Variants in SKI observed in about 807,000 individuals in gnomAD.
SKI encodes SKI proto-oncogene, also known as ski oncogene.
Under a neutral mutation model 59.3 loss-of-function variants are expected in SKI, and 23 were observed. That is an observed-to-expected ratio of 0.39 (90% CI 0.28 to 0.55). The LOEUF (loss-of-function observed/expected upper bound fraction) is 0.55, where lower values mean the gene tolerates loss of function less well. Ranked by LOEUF, SKI falls within the 20% of genes least tolerant of loss-of-function variation. The pLI is 0.67. For missense variants in SKI, 1,017 were observed against 1,038.9 expected (o/e 0.98, Z 0.29); for synonymous variants, 673 against 488.6 (o/e 1.38, Z -4.98).
chr1:2,279,006 C>T (rs1190314148), intron 1 of SKI, among the ~76,000 whole-genome samples: 1 of 152,220 alleles, frequency 6.6e-6, no homozygotes, highest in African/African-American at 2.4e-5. Context: ...ACAGTAAGCT[C>T]CAGACAAGGG....
At chr1:2,247,907 A>C (rs1053113402) in intron 1 of SKI, 4 of 152,114 alleles carry the variant, frequency 2.6e-5, no homozygotes, top group Admixed American at 6.5e-5. Context: ...CAGCCCTTGG[A>C]CGCAGCGTGC....
At chr1:2,272,768 C>T (rs916865833) in intron 1 of SKI, among the ~76,000 whole-genome samples, 4 of 152,178 alleles carry the variant, frequency 2.6e-5, no homozygotes, top group African/African-American at 9.7e-5. Context: ...TTCCCGTCTC[C>T]CCTGCCCCGG....
At chr1:2,258,137 G>A (rs1480932827) in intron 1 of SKI, among the ~76,000 whole-genome samples, 9 of 152,212 alleles carry the variant, frequency 5.9e-5, no homozygotes, top group Non-Finnish European at 1.2e-4. Context: ...CTGATTATTT[G>A]CGACTTTAAC....
At chr1:2,282,521 C>CGGTGGCGG (rs1364609811) in intron 1 of SKI, among the ~76,000 whole-genome samples, 8 of 133,590 alleles carry the variant, frequency 6.0e-5, no homozygotes, top group Non-Finnish European at 1.2e-4. Flanking sequence ...AGAAGACAGG[C>CGGTGGCGG]AGTGGCGGAG....
intron 1 of SKI, among the ~76,000 whole-genome samples, chr1:2,282,835 G>A (rs1354171081): frequency 1.3e-5 from 2 of 152,214 alleles, no homozygotes; most frequent in Non-Finnish European, 2.9e-5. Flanking sequence ...ATTCGCAAGG[G>A]TGGGTCTGGT....
chr1:2,251,725 A>G (rs1235206157), intron 1 of SKI, among the ~76,000 whole-genome samples: 1 of 152,242 alleles, frequency 6.6e-6, no homozygotes, highest in African/African-American at 2.4e-5. Context: ...CACAGGTCTC[A>G]GCTGTGAAAT....
At chr1:2,276,992 C>T (rs958278277) in intron 1 of SKI, among the ~76,000 whole-genome samples, 5 of 152,168 alleles carry the variant, frequency 3.3e-5, no homozygotes, top group African/African-American at 1.2e-4. Context: ...CAGCAGGGCC[C>T]TCACCCAGGA....
At position 2,302,995 on chromosome 1, in the gene SKI, G is replaced by C. The variant is rs780855223; in HGVS notation, c.987G>C (p.Pro329=). 5 of 1,613,496 alleles carry C rather than the reference G, an allele frequency of 3.1e-6. No individual in the cohort carries two copies. In the East Asian group the frequency reaches 8.9e-5, roughly 29 times the overall value. The part of the protein sequence containing the change: ...RRVPRVSSEP[P]ASIRPKTDDT... ...GATCGCAGGTCTCCTCTGAGCCTCC[G>C]GCCTCCATAAGACCCAAAACAGATG... Residue 329 remains proline (P), a synonymous_variant, in exon 2 of 7, where the codon CCG becomes CCC. Transcript: ENST00000378536.
In SKI at chr1:2,303,818, C is replaced by G; in HGVS notation, c.1212-22C>G. ...GTGCTTGGGGACAGAGGCACCTTCC[C>G]GACACCCGCCTGCCCCTCCAGCTTC... is the stretch of plus-strand genomic sequence containing the variant. On this transcript the variant is annotated intron_variant, in intron 3 of 6. Coordinates refer to ENST00000378536, the MANE Select transcript of SKI (RefSeq NM_003036.4). The surrounding 1 kb of genome is among the most constrained non-coding windows in gnomAD (Gnocchi z 5.6). The G allele has an allele frequency of 6.2e-7, 1 of 1,610,902 alleles. No homozygotes were observed. The highest frequency in any genetic ancestry group is 2.2e-5 in the East Asian group (1 of 44,810).
rs1639558157 is a variant in SKI at position 2,268,984 on chromosome 1, C to T, written c.970-33994C>T. On this transcript the variant is annotated intron_variant, in intron 1 of 6. Transcript: ENST00000378536. The surrounding 1 kb of genome is among the most constrained non-coding windows in gnomAD (Gnocchi z 5.0). Reference sequence around the variant, plus strand: ...TTTTTTCGACAGGGTCTGGCTCTGGCTCTGTCACCCAGGCTGGAGTGCAGC... The same window carrying T: ...TTTTTTCGACAGGGTCTGGCTCTGGTTCTGTCACCCAGGCTGGAGTGCAGC... Among the ~76,000 whole-genome samples the T allele has an allele frequency of 6.6e-6, 1 of 151,986 alleles. No individual in the cohort carries two copies. The highest frequency in any genetic ancestry group is 2.1e-4 in the South Asian group (1 of 4,828).
chr1:2,294,708 TG>T (rs1640244977), intron 1 of SKI, among the ~76,000 whole-genome samples: 1 of 152,190 alleles, frequency 6.6e-6, no homozygotes. Flanking sequence ...TCTGGGGGCC[TG>T]GCCCTCCCCC....
intron 1 of SKI, among the ~76,000 whole-genome samples, chr1:2,293,891 TCCAGTG>T (rs1415625570): frequency 6.6e-6 from 1 of 152,222 alleles, no homozygotes; most frequent in African/African-American, 2.4e-5. Flanking sequence ...GGTTGTCCCT[TCCAGTG>T]CAGGCGGTGG....
At position 2,271,185 on chromosome 1, in the gene SKI, G is replaced by A. The variant is rs1639608792; in HGVS notation, c.970-31793G>A. The stretch of plus-strand genomic sequence containing the variant: ...AGGGTCCCGGGACAGTCCCTGAGAA[G>A]CACAGAGGCCTGGACACTCCCACCT... On this transcript the variant is annotated intron_variant, in intron 1 of 6. Coordinates refer to ENST00000378536, the MANE Select transcript of SKI (RefSeq NM_003036.4). 1.3e-5 allele frequency among the ~76,000 whole-genome samples: 2 copies of A among 152,098 alleles called. 1 individual carries two copies. Among genetic ancestry groups the A allele is most frequent in the Admixed American group, 1.3e-4 (2 of 15,286 alleles).
chr1:2,240,588 A>G (rs1170253136), intron 1 of SKI: 1 of 985,312 alleles, frequency 1.0e-6, no homozygotes, highest in East Asian at 1.1e-4. Flanking sequence ...GAAGAAATCA[A>G]GAGGATTTTA....
chr1:2,241,559 AT>A (rs146580874), intron 1 of SKI, among the ~76,000 whole-genome samples: 1 of 151,774 alleles, frequency 6.6e-6, no homozygotes, highest in Non-Finnish European at 1.5e-5. Context: ...TGCCCGGCTA[AT>A]TTTTTTGTGT....
chr1:2,258,254 T>C (rs890531355), intron 1 of SKI, among the ~76,000 whole-genome samples: 3 of 152,158 alleles, frequency 2.0e-5, no homozygotes, highest in African/African-American at 7.2e-5. Flanking sequence ...TCCTGGTCCT[T>C]AAACCCGTAT....
intron 1 of SKI, among the ~76,000 whole-genome samples, chr1:2,295,446 T>C (rs1640261623): frequency 6.6e-6 from 1 of 152,180 alleles, no homozygotes; most frequent in Non-Finnish European, 1.5e-5. Flanking sequence ...CAGAATATGG[T>C]TTAATGGTTT....
intron 5 of SKI, among the ~76,000 whole-genome samples, chr1:2,305,200 C>T (rs1255209661): frequency 2.6e-5 from 4 of 152,224 alleles, no homozygotes; most frequent in African/African-American, 9.7e-5. Context: ...CACGCTGCAG[C>T]TCCGGTCTCG....
intron 1 of SKI, among the ~76,000 whole-genome samples, chr1:2,279,262 C>T (rs530852470): frequency 9.8e-5 from 15 of 152,354 alleles, no homozygotes; most frequent in Admixed American, 8.5e-4. Flanking sequence ...TGCTAGACGC[C>T]CTGAGGAGGC....
Sources: gnomAD v4.1 joint callset for allele counts (sites outside exome capture counted in the v4.1 genomes callset) on GRCh38, gnomAD v4.1.1 for gene constraint, Gnocchi (gnomAD v3.1) non-coding constraint, MANE v1.5 for transcripts, NCBI Gene and HGNC (gene_info 2026-07-23, HGNC 2026-07-21) for gene names.